PATJ: variants seen among roughly 807,000 people sequenced by gnomAD.
The protein encoded by PATJ is inaD-like protein.
A neutral mutation model predicts 224.9 loss-of-function variants in PATJ; 190 were observed. The observed-to-expected ratio is 0.84, with a 90% CI of 0.75 to 0.95. PATJ has a LOEUF of 0.95. PATJ is among the 40% of genes least tolerant of loss of function. PATJ has a pLI of 0.00. For missense variants in PATJ, 2,121 were observed against 2,270.3 expected (o/e 0.93, Z 1.34); for synonymous variants, 769 against 820.3 (o/e 0.94, Z 1.07).
intron 18 of PATJ, among the ~76,000 whole-genome samples, chr1:61,858,499 C>A (rs973356763): frequency 4.6e-5 from 7 of 152,118 alleles, no homozygotes; most frequent in Non-Finnish European, 1.0e-4. Flanking sequence ...TGAGCTCAAA[C>A]AATCCACCTG....
chr1:62,023,047 A>C (rs1570127233), intron 29 of PATJ, among the ~76,000 whole-genome samples: 1 of 152,140 alleles, frequency 6.6e-6, no homozygotes, highest in Non-Finnish European at 1.5e-5. Context: ...CCCAGCACTT[A>C]GGGAGGCCCA....
chr1:62,017,831 G>GT, intron 28 of PATJ, 25 bp from the exon 29 acceptor site: 1 of 1,220,246 alleles, frequency 8.2e-7, no homozygotes, highest in Non-Finnish European at 1.2e-6. Context: ...GTATAATTTA[G>GT]TACATTGTGG....
Position 61,850,162 on chromosome 1 carries a change from G to A in PATJ, c.2113-5868G>A, listed in dbSNP as rs1662588610. On this transcript the variant is annotated intron_variant, in intron 17 of 43. Coordinates refer to ENST00000642238, the MANE Select transcript of PATJ (RefSeq NM_001350145.3). ...TCCACATCTTCGAGTTGATGTCTCT[G>A]TCTGTGACAGAGCCTGTTTCCGCTG... Among the ~76,000 whole-genome samples, 7 of 152,294 alleles carry A rather than the reference G, an allele frequency of 4.6e-5. No homozygotes were observed. In the South Asian group the frequency reaches 1.4e-3, roughly 32 times the overall value.
At chr1:62,137,115 C>T (rs1666989044) in intron 41 of PATJ, among the ~76,000 whole-genome samples, 1 of 152,040 alleles carries the variant, frequency 6.6e-6, no homozygotes, top group Admixed American at 6.6e-5. Flanking sequence ...TACTTTATTA[C>T]TCATTTCGAA....
At chr1:61,807,366 G>C (rs1304088257) in intron 13 of PATJ, among the ~76,000 whole-genome samples, 1 of 151,904 alleles carries the variant, frequency 6.6e-6, no homozygotes, top group East Asian at 1.9e-4. Flanking sequence ...TTTTAGAGAT[G>C]GTGTCTCGCT....
At chr1:61,770,135 A>T (rs1231610808) in intron 5 of PATJ, among the ~76,000 whole-genome samples, 1 of 152,188 alleles carries the variant, frequency 6.6e-6, no homozygotes, top group Non-Finnish European at 1.5e-5. Context: ...TTGAATTCAC[A>T]TCCTCCATTC....
chr1:61,835,442 C>T lies in PATJ; in HGVS notation c.2112+1657C>T, dbSNP rs376992286. On this transcript the variant is annotated intron_variant, in intron 17 of 43. Coordinates refer to ENST00000642238, the MANE Select transcript of PATJ (RefSeq NM_001350145.3). ...GTTTTGAGACAGAGTCTCACTCTGT[C>T]GCCCAGGCTGGAGTGCAGTGGTGCG... is the stretch of plus-strand genomic sequence containing the variant. 4.6e-5 allele frequency among the ~76,000 whole-genome samples: 7 copies of T among 152,186 alleles called. No individual in the cohort carries two copies. The East Asian group carries it at 9.7e-4, about 21-fold the overall frequency.
intron 22 of PATJ, among the ~76,000 whole-genome samples, chr1:61,898,896 C>T (rs1670738231): frequency 6.6e-6 from 1 of 152,148 alleles, no homozygotes. Flanking sequence ...AAGCAATCTT[C>T]CAGCCTCAGC....
At chr1:62,083,000 C>CA (rs1439189475) in intron 32 of PATJ, among the ~76,000 whole-genome samples, 1 of 152,142 alleles carries the variant, frequency 6.6e-6, no homozygotes, top group African/African-American at 2.4e-5. Flanking sequence ...TGATCAAACT[C>CA]AGTTATCAGA....
intron 28 of PATJ, chr1:61,991,467 C>T (rs527669198): frequency 1.1e-3 from 1,065 of 984,242 alleles, no homozygotes; most frequent in Middle Eastern, 5.2e-3. Context: ...TTGCATTTTA[C>T]GATTTCCTCC....
At chr1:61,857,120 G>T (rs764474657) in intron 18 of PATJ, among the ~76,000 whole-genome samples, 4 of 151,968 alleles carry the variant, frequency 2.6e-5, no homozygotes, top group Admixed American at 2.0e-4. Context: ...TAATGGTCAG[G>T]TTACTGCTTA....
chr1:61,951,470 G>T (rs867407011), intron 27 of PATJ, among the ~76,000 whole-genome samples: 2 of 151,796 alleles, frequency 1.3e-5, no homozygotes, highest in African/African-American at 4.8e-5. Context: ...TACAAAGAAA[G>T]ATTATACTGT....
chr1:61,752,254 G>A (rs1218432128), intron 1 of PATJ, among the ~76,000 whole-genome samples: 1 of 150,314 alleles, frequency 6.7e-6, no homozygotes, highest in Non-Finnish European at 1.5e-5. Flanking sequence ...AGTTTAATGA[G>A]AAAATTAGCA....
chr1:62,067,158 G>C (rs574924726), intron 31 of PATJ, among the ~76,000 whole-genome samples: 2 of 122,990 alleles, frequency 1.6e-5, no homozygotes, highest in African/African-American at 3.1e-5. Flanking sequence ...ATGGAGTCTC[G>C]CTGTGTCACC....
intron 27 of PATJ, among the ~76,000 whole-genome samples, chr1:61,988,873 G>A (rs185243978): frequency 1.3e-5 from 2 of 152,128 alleles, no homozygotes; most frequent in African/African-American, 4.8e-5. Context: ...TAATTTGCAA[G>A]GTTCCCTCCT....
chr1:61,993,325 CAG>C (rs1327137768), intron 28 of PATJ, among the ~76,000 whole-genome samples: 8 of 152,110 alleles, frequency 5.3e-5, no homozygotes, highest in African/African-American at 1.9e-4. Flanking sequence ...AAGGGGAGGG[CAG>C]AGTTTCCATG....
intron 22 of PATJ, among the ~76,000 whole-genome samples, chr1:61,891,867 C>T (rs989133958): frequency 6.6e-6 from 1 of 152,180 alleles, no homozygotes; most frequent in Non-Finnish European, 1.5e-5. Context: ...ATTTCCATCA[C>T]CCAGAAAGTC....
intron 31 of PATJ, among the ~76,000 whole-genome samples, chr1:62,057,287 A>G (rs375584645): frequency 1.3e-5 from 2 of 152,192 alleles, no homozygotes. Flanking sequence ...AAACAAAGGA[A>G]GGTTTTAGGC....
intron 14 of PATJ, chr1:61,816,320 C>T (rs1453740835): frequency 6.6e-6 from 1 of 152,128 alleles, no homozygotes; most frequent in Non-Finnish European, 1.5e-5. Context: ...TTTTCCCCTT[C>T]CCATTTTTAA....
Sources: gnomAD v4.1 joint callset for allele counts (sites outside exome capture counted in the v4.1 genomes callset) on GRCh38, gnomAD v4.1.1 for gene constraint, MANE v1.5 for transcripts, NCBI Gene and HGNC (gene_info 2026-07-23, HGNC 2026-07-21) for gene names.